Variants in ADCY8 observed in about 807,000 individuals in gnomAD.
ADCY8 encodes adenylate cyclase type 8.
ADCY8 carries 51 observed loss-of-function variants against 119.7 expected under a neutral mutation model. The ratio of observed to expected loss-of-function variants is 0.43; its 90% CI spans 0.34 to 0.54. The LOEUF is 0.54. ADCY8 is among the 20% of genes least tolerant of loss of function. ADCY8 has a pLI of 0.03. For synonymous variants in ADCY8, 665 were observed against 651.0 expected, an observed-to-expected ratio of 1.02 and a Z score of -0.33; for missense variants, 1,383 against 1,598.8, an observed-to-expected ratio of 0.87 and a Z score of 2.30.
At chr8:130,941,199 C>T (rs1325303659) in intron 4 of ADCY8, among the ~76,000 whole-genome samples, 1 of 152,140 alleles carries the variant, frequency 6.6e-6, no homozygotes, top group African/African-American at 2.4e-5. Context: ...GGTTGAAGTT[C>T]CCTAGGATGG....
Position 130,938,200 on chromosome 8 carries a change from C to T in ADCY8, c.1354-1000G>A, listed in dbSNP as rs115562255. Among the ~76,000 whole-genome samples, 919 of 152,208 alleles carry T rather than the reference C, an allele frequency of 6.0e-3. 9 individuals are homozygous for T. Among genetic ancestry groups the T allele is most frequent in the African/African-American group, 0.021 (857 of 41,526 alleles). On this transcript the variant is annotated intron_variant, in intron 4 of 17. Coordinates refer to ENST00000286355, the MANE Select transcript of ADCY8 (RefSeq NM_001115.3). ...GGTAAACTACCTAACCTCTGGCCTT[C>T]AGGTGCCTCATCTATCAAATGGGGA...
intron 13 of ADCY8, among the ~76,000 whole-genome samples, chr8:130,816,727 CTTAA>C (rs1816359413): frequency 6.6e-6 from 1 of 151,970 alleles, no homozygotes; most frequent in African/African-American, 2.4e-5. Flanking sequence ...GACTGGCCTT[CTTAA>C]TTAATTTATT....
At chr8:130,827,418 T>TG (rs1456323428) in intron 12 of ADCY8, among the ~76,000 whole-genome samples, 1 of 152,082 alleles carries the variant, frequency 6.6e-6, no homozygotes, top group Non-Finnish European at 1.5e-5. Context: ...AAGATTAGGG[T>TG]GGGGCAGCCA....
intron 2 of ADCY8, among the ~76,000 whole-genome samples, chr8:130,982,313 CA>C (rs1483538087): frequency 2.0e-5 from 3 of 152,028 alleles, no homozygotes; most frequent in African/African-American, 4.8e-5. Flanking sequence ...CTCATGTTAA[CA>C]AAAATGTCTT....
At chr8:130,888,087 C>T (rs1454856951) in intron 7 of ADCY8, among the ~76,000 whole-genome samples, 1 of 151,842 alleles carries the variant, frequency 6.6e-6, no homozygotes, top group Non-Finnish European at 1.5e-5. Flanking sequence ...ATTAAATGGA[C>T]CTCCAAAATG....
Position 130,822,535 on chromosome 8 carries a change from AATCCATCCATCCATCC to A in ADCY8, c.2676-1131_2676-1116del, listed in dbSNP as rs145398330. Among the ~76,000 whole-genome samples, 604 of 139,742 alleles carry A rather than the reference AATCCATCCATCCATCC, an allele frequency of 4.3e-3. 4 individuals are homozygous for A. Among genetic ancestry groups the A allele is most frequent in the African/African-American group, 0.012 (461 of 37,296 alleles). 91.7% of individuals were successfully genotyped at this position (139,742 alleles called of 152,430 possible). A position where few individuals can be genotyped will look rare whatever the true frequency, so the allele number is the denominator to read the frequency against. ...GAATCCATGAATCCATGAATCCATGAATCCATCCATCCATCCATCCATCCATCCATCCATCCATCCA... is the reference window on the plus strand; with the variant it reads ...GAATCCATGAATCCATGAATCCATGAATCCATCCATCCATCCATCCATCCA... On this transcript the variant is annotated intron_variant, in intron 12 of 17. Transcript: ENST00000286355.
intron 7 of ADCY8, among the ~76,000 whole-genome samples, chr8:130,885,115 A>G (rs1818930866): frequency 1.3e-5 from 2 of 152,130 alleles, no homozygotes; most frequent in African/African-American, 4.8e-5. Context: ...GAAAGTAAAT[A>G]TATGTTAAAA....
rs534959759 is a variant in ADCY8, at chr8:130,855,825, T to A, written c.2211-6022A>T. ...CACCCTTCTGCCACTCTCTTCTCCT[T>A]ATTATTTTGTGCCAGATTTTTTATT... On this transcript the variant is annotated intron_variant, in intron 9 of 17. Transcript: ENST00000286355. Among the ~76,000 whole-genome samples the A allele has an allele frequency of 3.9e-5, 6 of 152,206 alleles. No homozygotes were observed. The South Asian group carries it at 8.3e-4, about 21-fold the overall frequency.
chr8:130,903,550 A>G (rs1180989989), intron 7 of ADCY8, among the ~76,000 whole-genome samples: 1 of 147,330 alleles, frequency 6.8e-6, no homozygotes, highest in Admixed American at 6.8e-5. Context: ...AAAGAGAGAG[A>G]GAGAGGGTGT....
chr8:130,897,078 C>T (rs1338687473), intron 7 of ADCY8, among the ~76,000 whole-genome samples: 2 of 152,118 alleles, frequency 1.3e-5, no homozygotes, highest in Non-Finnish European at 2.9e-5. Flanking sequence ...CAACTCAGTT[C>T]TGCTTAGTTT....
intron 12 of ADCY8, among the ~76,000 whole-genome samples, chr8:130,835,653 C>A (rs1563684764): frequency 6.6e-6 from 1 of 151,970 alleles, no homozygotes; most frequent in Non-Finnish European, 1.5e-5. Flanking sequence ...CCTGTGGATA[C>A]CAAAATCCAT....
At chr8:130,990,638 C>T (rs1822549193) in intron 1 of ADCY8, 96 bp from the exon 2 acceptor site, 1 of 1,465,266 alleles carries the variant, frequency 6.8e-7, no homozygotes. Context: ...AAGGTAAATC[C>T]TAATGTAGTA....
At chr8:130,912,403 C>A (rs1820008832) in intron 5 of ADCY8, among the ~76,000 whole-genome samples, 2 of 152,130 alleles carry the variant, frequency 1.3e-5, no homozygotes, top group South Asian at 4.1e-4. Context: ...TATATCCAAG[C>A]TTTTTGGTAA....
intron 1 of ADCY8, among the ~76,000 whole-genome samples, chr8:131,022,489 A>G (rs1823704069): frequency 6.6e-6 from 1 of 152,178 alleles, no homozygotes; most frequent in Non-Finnish European, 1.5e-5. Flanking sequence ...TCCATGGTGT[A>G]TATGTGCCAA....
rs1216148014 is a variant in ADCY8 at position 130,839,247 on chromosome 8, G to A, written c.2503-2798C>T. ...ATATAATTGTACATTTGCACAATGT[G>A]TTGATGGGTCTTTCTCGTTTTGTTG... is the stretch of plus-strand genomic sequence containing the variant. On this transcript the variant is annotated intron_variant, in intron 11 of 17. Coordinates refer to ENST00000286355, the MANE Select transcript of ADCY8 (RefSeq NM_001115.3). 1.4e-5 allele frequency among the ~76,000 whole-genome samples: 2 copies of A among 140,102 alleles called. 1 individual carries two copies. The highest frequency in any genetic ancestry group is 3.2e-5 in the Non-Finnish European group (2 of 61,992). The allele number at this position is 140,102 out of a possible 152,430, so 91.9% of individuals were successfully genotyped here.
At position 131,040,059 on chromosome 8, in the gene ADCY8, T is replaced by C. The variant is rs999968249; in HGVS notation, c.275A>G (p.Tyr92Cys). The change falls in exon 1 of 18, where the codon TAC becomes TGC. Residue 92 changes from tyrosine to cysteine, a missense_variant. Tyr to Cys is a radical substitution (Grantham distance 194). Around this residue, in one of 2 missense-constraint regions of ADCY8, gnomAD observed 455 missense variants for 435.3 expected, o/e 1.05. Transcript: ENST00000286355. ...CGCTCGCTCTCCCGGGCCCAGCGAGTAGAGGGGCAGCGCCGAGTCGCCTGA... is the reference window on the plus strand; with the variant it reads ...CGCTCGCTCTCCCGGGCCCAGCGAGCAGAGGGGCAGCGCCGAGTCGCCTGA... ...QLSGDSALPL[Y>C]SLGPGERAHS... The C allele has an allele frequency of 6.5e-7, 1 of 1,543,986 alleles. No individual in the cohort carries two copies. The highest frequency in any genetic ancestry group is 8.7e-7 in the Non-Finnish European group (1 of 1,150,194).
intron 1 of ADCY8, among the ~76,000 whole-genome samples, chr8:131,017,270 A>G (rs147218693): frequency 0.024 from 3,696 of 152,064 alleles, 172 homozygotes; most frequent in African/African-American, 0.083. Context: ...GGCTTTCGCC[A>G]TGTTGGCCAT....
intron 1 of ADCY8, among the ~76,000 whole-genome samples, chr8:131,013,081 C>A (rs4376482): frequency 0.42 from 64,202 of 151,930 alleles, 14,021 homozygotes; most frequent in East Asian, 0.63. Context: ...AATGACTACC[C>A]ATATATAATT....
intron 1 of ADCY8, among the ~76,000 whole-genome samples, chr8:130,998,790 G>C (rs532330056): frequency 1.5e-3 from 228 of 152,240 alleles, no homozygotes; most frequent in Non-Finnish European, 2.8e-3. Flanking sequence ...GAGACAACAG[G>C]ATTTGCTGGT....
Sources: allele counts gnomAD v4.1 joint callset (sites outside exome capture counted in the v4.1 genomes callset), GRCh38; gene constraint gnomAD v4.1.1; regional missense constraint gnomAD v4.1.1; transcripts MANE v1.5; gene names NCBI Gene and HGNC (gene_info 2026-07-23, HGNC 2026-07-21).